The following VRK2 variants were observed in gnomAD, a reference collection of about 807,000 sequenced individuals.
VRK2 encodes the protein serine/threonine-protein kinase VRK2.
VRK2 carries 60 observed loss-of-function variants against 57.6 expected under a neutral mutation model. That is an observed-to-expected ratio of 1.04 (90% CI 0.85 to 1.29). The LOEUF is 1.29. VRK2 is among the 50% of genes most tolerant of loss of function. The pLI, the probability that VRK2 is intolerant of heterozygous loss-of-function variation, is 0.00. For missense variants in VRK2, 705 were observed against 588.1 expected (o/e 1.20, Z -2.06); for synonymous variants, 231 against 199.2 (o/e 1.16, Z -1.35).
chr2:57,945,715 A>G (rs1229856113), intron 1 of VRK2, among the ~76,000 whole-genome samples: 1 of 152,178 alleles, frequency 6.6e-6, no homozygotes, highest in Non-Finnish European at 1.5e-5. Context: ...TATACTCCTT[A>G]CCAAGAAAGG....
chr2:58,088,601 A>G (rs1558620280), intron 6 of VRK2, among the ~76,000 whole-genome samples, 155 bp downstream of exon 6: 1 of 152,224 alleles, frequency 6.6e-6, no homozygotes, highest in Non-Finnish European at 1.5e-5. Flanking sequence ...GAAATTGATA[A>G]CAATGGGCTC....
intron 2 of VRK2, among the ~76,000 whole-genome samples, chr2:58,057,246 T>G (rs1029438281): frequency 6.6e-6 from 1 of 152,172 alleles, no homozygotes; most frequent in African/African-American, 2.4e-5. Flanking sequence ...GACAAAAAAA[T>G]TCCATGCTCT....
chr2:57,954,398 G>C (rs1671518121), intron 1 of VRK2, among the ~76,000 whole-genome samples: 1 of 152,042 alleles, frequency 6.6e-6, no homozygotes, highest in African/African-American at 2.4e-5. Flanking sequence ...CAAAGGTCCA[G>C]ATAGGCTAAC....
At chr2:57,973,642 G>A (rs1273783393) in intron 1 of VRK2, among the ~76,000 whole-genome samples, 2 of 151,796 alleles carry the variant, frequency 1.3e-5, no homozygotes, top group African/African-American at 4.8e-5. Context: ...GGCCATCAAA[G>A]CAGCAGTAAA....
rs551800947 is a variant in VRK2, at chr2:58,116,408, G to A, written c.544-6693G>A. 2.0e-5 allele frequency among the ~76,000 whole-genome samples: 3 copies of A among 151,688 alleles called. No homozygotes were observed. The South Asian group carries it at 6.2e-4, about 31-fold the overall frequency. ...TATCTCGGCCTAATAAGGGAACTGG[G>A]CAGGTGGGGATAACTAAAAAAGAGT... On this transcript the variant is annotated intron_variant, in intron 7 of 12. Transcript: ENST00000340157.
intron 4 of VRK2, among the ~76,000 whole-genome samples, chr2:58,085,990 G>A (rs2104177869): frequency 6.9e-6 from 1 of 144,036 alleles, no homozygotes. Flanking sequence ...GGAAGAAAAA[G>A]CCATCTCTCT....
intron 2 of VRK2, among the ~76,000 whole-genome samples, chr2:58,076,745 T>A (rs1670170806): frequency 6.6e-6 from 1 of 152,024 alleles, no homozygotes; most frequent in African/African-American, 2.4e-5. Flanking sequence ...GGTTTTGCTC[T>A]CTTTCCAGTA....
chr2:58,013,592 C>G (rs1159030378), intron 1 of VRK2, among the ~76,000 whole-genome samples: 1 of 152,124 alleles, frequency 6.6e-6, no homozygotes, highest in African/African-American at 2.4e-5. Context: ...AGATACAGGG[C>G]CGGGCGCGGT....
chr2:58,084,925 TCA>T lies in VRK2; in HGVS notation c.232_233del (p.Gln78GlufsTer18). On this transcript the variant is annotated frameshift_variant, in exon 4 of 13. Coordinates refer to ENST00000340157, the MANE Select transcript of VRK2 (RefSeq NM_006296.7). LOFTEE classifies it high-confidence loss of function. The stretch of plus-strand genomic sequence containing the variant: ...CGTTATTTTCAGAACTTAAATTTTA[TCA>T]GAGAGTTGCAAAAAAAGACTGTAGT... The part of the protein sequence containing the change: ...GPLFSELKFY[Q>X]RVAKKDCIKK... The T allele has an allele frequency of 6.3e-7, 1 of 1,591,794 alleles. No homozygotes were observed. Among genetic ancestry groups the T allele is most frequent in the East Asian group, 2.3e-5 (1 of 44,122 alleles).
At chr2:58,112,939 A>G (rs1221793753) in intron 7 of VRK2, among the ~76,000 whole-genome samples, 2 of 152,180 alleles carry the variant, frequency 1.3e-5, no homozygotes, top group Non-Finnish European at 2.9e-5. Context: ...GGGTGTGGTT[A>G]TGACTTTTAG....
chr2:58,087,884 G>A (rs573148120), intron 5 of VRK2, among the ~76,000 whole-genome samples: 1 of 152,252 alleles, frequency 6.6e-6, no homozygotes, highest in East Asian at 1.9e-4. Flanking sequence ...CTACTTGGGA[G>A]GCTGAGGCAG....
chr2:58,067,299 C>T (rs1464831218), intron 2 of VRK2, among the ~76,000 whole-genome samples: 1 of 152,114 alleles, frequency 6.6e-6, no homozygotes, highest in Non-Finnish European at 1.5e-5. Context: ...TGTGAGACTT[C>T]ACCTTGTGAT....
intron 8 of VRK2, 58 bp downstream of exon 8, chr2:58,123,291 GTA>G: frequency 6.4e-7 from 1 of 1,552,924 alleles, no homozygotes; most frequent in Non-Finnish European, 8.6e-7. Flanking sequence ...AGAGACAAGG[GTA>G]ATGAGGCTGC....
At chr2:58,067,608 C>T (rs985851089) in intron 2 of VRK2, among the ~76,000 whole-genome samples, 1 of 151,860 alleles carries the variant, frequency 6.6e-6, no homozygotes, top group African/African-American at 2.4e-5. Flanking sequence ...ATTTCATTGA[C>T]TTCTGGTTAT....
At chr2:58,111,217 G>A (rs1675520937) in intron 7 of VRK2, among the ~76,000 whole-genome samples, 2 of 152,034 alleles carry the variant, frequency 1.3e-5, no homozygotes, top group Non-Finnish European at 2.9e-5. Context: ...CGTTGTTTGG[G>A]AATATATTTT....
upstream of VRK2, chr2:58,046,451 G>A: frequency 2.0e-6 from 2 of 977,670 alleles, no homozygotes; most frequent in Non-Finnish European, 2.4e-6. Flanking sequence ...CCATTTGGAA[G>A]CTCGTAGTAC....
chr2:57,954,645 G>A (rs1162433573), intron 1 of VRK2, among the ~76,000 whole-genome samples: 10 of 151,936 alleles, frequency 6.6e-5, no homozygotes, highest in South Asian at 4.1e-4. Flanking sequence ...AGTTCAGAGT[G>A]TTGCTATATG....
At chr2:57,982,475 G>A (rs969774966) in intron 1 of VRK2, among the ~76,000 whole-genome samples, 1 of 152,200 alleles carries the variant, frequency 6.6e-6, no homozygotes, top group Non-Finnish European at 1.5e-5. Context: ...AAGGCTGCAG[G>A]CAGGTGCTTG....
intron 1 of VRK2, among the ~76,000 whole-genome samples, chr2:57,922,869 C>T (rs78417467): frequency 3.0e-3 from 454 of 152,016 alleles, no homozygotes; most frequent in Non-Finnish European, 5.3e-3. Context: ...ACTAATCATT[C>T]CCACTCCTCT....
Sources: allele counts gnomAD v4.1 joint callset (sites outside exome capture counted in the v4.1 genomes callset), GRCh38; gene constraint gnomAD v4.1.1; transcripts MANE v1.5; gene names NCBI Gene and HGNC (gene_info 2026-07-23, HGNC 2026-07-21).